The following TMEM167A variants were observed in gnomAD, a reference collection of about 807,000 sequenced individuals.
The protein encoded by TMEM167A is transmembrane protein 167A.
Under a neutral mutation model 11.6 loss-of-function variants are expected in TMEM167A, and 8 were observed. The ratio of observed to expected loss-of-function variants is 0.69; its 90% confidence interval spans 0.40 to 1.24. The LOEUF is 1.24. TMEM167A is among the 50% of genes most tolerant of loss of function. The pLI, the probability that TMEM167A is intolerant of heterozygous loss-of-function variation, is 0.01. For synonymous variants in TMEM167A, 22 were observed against 28.0 expected (o/e 0.79, Z 0.67); for missense variants, 62 against 87.0 (o/e 0.71, Z 1.14).
chr5:83,069,573 C>T (rs756386634), intron 1 of TMEM167A, among the ~76,000 whole-genome samples: 10 of 152,028 alleles, frequency 6.6e-5, no homozygotes, highest in Non-Finnish European at 1.2e-4. Flanking sequence ...GGTGAACTGA[C>T]TCATGCGTCC....
At chr5:83,063,022 A>G (rs1416903110) in intron 2 of TMEM167A, among the ~76,000 whole-genome samples, 1 of 152,056 alleles carries the variant, frequency 6.6e-6, no homozygotes, top group Non-Finnish European at 1.5e-5. Context: ...CCATCAATGT[A>G]TAGAAACTGC....
intron 1 of TMEM167A, among the ~76,000 whole-genome samples, chr5:83,076,852 G>T (rs1237288942): frequency 6.6e-6 from 1 of 152,226 alleles, no homozygotes; most frequent in Non-Finnish European, 1.5e-5. Context: ...AGAAGAAGGT[G>T]GAAGGGTCTT....
Position 83,057,099 on chromosome 5 carries a change from G to A in TMEM167A, c.204C>T (p.Ile68=). 1 of 1,611,792 alleles carries A rather than the reference G, an allele frequency of 6.2e-7. No homozygotes were observed. The highest frequency in any genetic ancestry group is 8.5e-7 in the Non-Finnish European group (1 of 1,178,924). Residue 68 remains isoleucine, a synonymous_variant, in exon 4 of 4, where the codon ATC becomes ATT. Transcript: ENST00000502346. ...AVCCIVMAFS[I]LFIQ ...TTTTCCCCAGCTACTGTATGAAGAG[G>A]ATGCTGAAGGCCATTACTATACAGC...
At chr5:83,060,054 G>GT (rs2112239478) in intron 3 of TMEM167A, among the ~76,000 whole-genome samples, 1 of 41,640 alleles carries the variant, frequency 2.4e-5, no homozygotes, top group East Asian at 3.0e-4. Flanking sequence ...CACCCATTGA[G>GT]TACCTGACTT....
intron 1 of TMEM167A, among the ~76,000 whole-genome samples, 168 bp downstream of exon 1, chr5:83,077,153 G>C (rs1744692776): frequency 6.6e-6 from 1 of 152,192 alleles, no homozygotes; most frequent in African/African-American, 2.4e-5. Flanking sequence ...GTCTTCCTCG[G>C]ACAGTCCGTC....
At chr5:83,066,026 T>C (rs1400448834) in intron 1 of TMEM167A, among the ~76,000 whole-genome samples, 1 of 152,160 alleles carries the variant, frequency 6.6e-6, no homozygotes, top group African/African-American at 2.4e-5. Context: ...TATTATAATA[T>C]TCATTTCTGA....
intron 2 of TMEM167A, among the ~76,000 whole-genome samples, chr5:83,063,606 C>T (rs1265024128): frequency 1.3e-5 from 2 of 151,988 alleles, no homozygotes; most frequent in Admixed American, 1.3e-4. Flanking sequence ...AGAACCCTAA[C>T]TTGGTAACTC....
rs983554452 is a variant in TMEM167A at position 83,054,867 on chromosome 5, G to C, written c.*2217C>G. The C allele has an allele frequency of 6.6e-6, 1 of 151,894 alleles. No individual in the cohort carries two copies. Among genetic ancestry groups the C allele is most frequent in the African/African-American group, 2.4e-5 (1 of 41,378 alleles). 9.4% of individuals were successfully genotyped at this position (151,894 alleles called of 1,614,324 possible). A position where few individuals can be genotyped will look rare whatever the true frequency, so the allele number is the denominator to read the frequency against. On this transcript the variant is annotated 3_prime_UTR_variant, in exon 4 of 4. Coordinates refer to ENST00000502346, the MANE Select transcript of TMEM167A (RefSeq NM_174909.5). The stretch of plus-strand genomic sequence containing the variant: ...AAATAAAAGGGATAGTCTATCTGAT[G>C]CTTAAATTGATCTTTAATAACCTTC...
intron 1 of TMEM167A, among the ~76,000 whole-genome samples, chr5:83,070,052 G>A (rs762290051): frequency 1.2e-4 from 18 of 152,098 alleles, no homozygotes; most frequent in Non-Finnish European, 2.5e-4. Flanking sequence ...AAGGACCTAG[G>A]CTGTAGGGTA....
At chr5:83,070,251 G>A (rs964791707) in intron 1 of TMEM167A, among the ~76,000 whole-genome samples, 1 of 152,118 alleles carries the variant, frequency 6.6e-6, no homozygotes, top group African/African-American at 2.4e-5. Context: ...TGAGTACGCA[G>A]GTTCTGTAAG....
intron 3 of TMEM167A, among the ~76,000 whole-genome samples, chr5:83,059,021 T>G (rs1679786892): frequency 6.6e-6 from 1 of 152,082 alleles, no homozygotes; most frequent in African/African-American, 2.4e-5. Context: ...GAAAGCAGCA[T>G]ATCAGCAACA....
At position 83,061,881 on chromosome 5, in the gene TMEM167A, T is replaced by C. The variant is rs757721274; in HGVS notation, c.144A>G (p.Arg48=). The C allele has an allele frequency of 1.2e-6, 2 of 1,612,994 alleles. No individual in the cohort carries two copies. Among genetic ancestry groups the C allele is most frequent in the Non-Finnish European group, 8.5e-7 (1 of 1,179,104 alleles). Residue 48 remains arginine, a synonymous_variant, in exon 3 of 4, where the codon AGA becomes AGG. Transcript: ENST00000502346. ...AGGGAGATTATAGACACTTACCAAT[T>C]CTGGCACACTTCCAAAATATACCCA... ...GLLGIFWKCA[R]IGERKSPYVA...
Position 83,054,872 on chromosome 5 carries a change from A to C in TMEM167A, c.*2212T>G, listed in dbSNP as rs1744306748. 6.6e-6 allele frequency: 1 copy of C among 152,004 alleles called. No homozygotes were observed. Among genetic ancestry groups the C allele is most frequent in the South Asian group, 2.1e-4 (1 of 4,832 alleles). 9.4% of individuals were successfully genotyped at this position (152,004 alleles called of 1,614,324 possible). A position where few individuals can be genotyped will look rare whatever the true frequency, so the allele number is the denominator to read the frequency against. On this transcript the variant is annotated 3_prime_UTR_variant, in exon 4 of 4. Coordinates refer to ENST00000502346, the MANE Select transcript of TMEM167A (RefSeq NM_174909.5). ...AAAGGGATAGTCTATCTGATGCTTA[A>C]ATTGATCTTTAATAACCTTCTGCAT...
At chr5:83,068,699 T>G (rs1744518851) in intron 1 of TMEM167A, among the ~76,000 whole-genome samples, 1 of 152,144 alleles carries the variant, frequency 6.6e-6, no homozygotes, top group Admixed American at 6.5e-5. Context: ...CAGGGAATAA[T>G]GAGAATCTTA....
In TMEM167A at chr5:83,061,903, C is replaced by A; in HGVS notation, c.122G>T (p.Gly41Val). ...AATTCTGGCACACTTCCAAAATATA[C>A]CCAACAATCTGCATAGAATAAAAAA... ...LLDRNKTGLLGIFWKCARIGE... is the reference protein window; with the variant it reads ...LLDRNKTGLLVIFWKCARIGE... Residue 41 changes from glycine (G) to valine (V), a missense_variant, in exon 3 of 4, where the codon GGT (glycine) becomes GTT (valine). By Grantham distance (109) the Gly-to-Val change is moderately radical (BLOSUM62 -3). Transcript: ENST00000502346. The A allele has an allele frequency of 6.2e-7, 1 of 1,612,576 alleles. No individual in the cohort carries two copies. The highest frequency in any genetic ancestry group is 1.1e-5 in the South Asian group (1 of 90,998).
At chr5:83,060,865 A>G (rs1216326402) in intron 3 of TMEM167A, among the ~76,000 whole-genome samples, 1 of 152,150 alleles carries the variant, frequency 6.6e-6, no homozygotes, top group African/African-American at 2.4e-5. Context: ...ATGATGCAAT[A>G]AAATACATGT....
At position 83,061,899 on chromosome 5, in the gene TMEM167A, T is replaced by C. The variant is rs756334981; in HGVS notation, c.126A>G (p.Ile42Met). ...TACCAATTCTGGCACACTTCCAAAA[T>C]ATACCCAACAATCTGCATAGAATAA... ...LDRNKTGLLG[I>M]FWKCARIGER... The change falls in exon 3 of 4, where the codon ATA becomes ATG. Residue 42 changes from isoleucine to methionine, a missense_variant. Physicochemically the swap from Ile to Met is conservative, Grantham distance 10 (BLOSUM62 1). Transcript: ENST00000502346. 2 of 1,612,932 alleles carry C rather than the reference T, an allele frequency of 1.2e-6. No homozygotes were observed. The highest frequency in any genetic ancestry group is 1.7e-6 in the Non-Finnish European group (2 of 1,179,094).
chr5:83,068,540 TG>T (rs1189461972), intron 1 of TMEM167A, among the ~76,000 whole-genome samples: 1 of 152,078 alleles, frequency 6.6e-6, no homozygotes, highest in Non-Finnish European at 1.5e-5. Flanking sequence ...ATGCCATTTT[TG>T]TAAGAAAAAG....
chr5:83,071,062 T>C (rs1744552441), intron 1 of TMEM167A, among the ~76,000 whole-genome samples: 2 of 152,172 alleles, frequency 1.3e-5, no homozygotes, highest in Admixed American at 1.3e-4. Context: ...AAGCTGTGGC[T>C]AGAGTGCTTA....
Sources: gnomAD v4.1 joint callset for allele counts (sites outside exome capture counted in the v4.1 genomes callset) on GRCh38, gnomAD v4.1.1 for gene constraint, MANE v1.5 for transcripts, NCBI Gene and HGNC (gene_info 2026-07-23, HGNC 2026-07-21) for gene names.